CCSER1: variants seen among roughly 807,000 people sequenced by gnomAD.
CCSER1 encodes the protein coiled-coil serine rich protein 1.
Under a neutral mutation model 82.0 loss-of-function variants are expected in CCSER1, and 41 were observed. The observed-to-expected ratio is 0.50, with a 90% confidence interval of 0.39 to 0.65. The LOEUF (loss-of-function observed/expected upper bound fraction) is 0.65. Ranked by LOEUF, CCSER1 falls within the 30% of genes least tolerant of loss-of-function variation. The pLI, the probability that CCSER1 is intolerant of heterozygous loss-of-function variation, is 0.00. For synonymous variants in CCSER1, 414 were observed against 383.9 expected (o/e 1.08, Z -0.92); for missense variants, 1,119 against 1,064.2 (o/e 1.05, Z -0.72).
chr4:91,580,011 CA>C (rs1381066449), intron 10 of CCSER1, among the ~76,000 whole-genome samples: 1 of 151,696 alleles, frequency 6.6e-6, no homozygotes, highest in Admixed American at 6.6e-5. Context: ...TAACTTTGGC[CA>C]AATTTGCTGG....
intron 9 of CCSER1, chr4:90,938,869 A>C (rs1044059878): frequency 6.3e-6 from 1 of 159,204 alleles, no homozygotes; most frequent in Non-Finnish European, 1.4e-5. Context: ...ATTACTTCAC[A>C]ATTTTTGCAT....
intron 3 of CCSER1, among the ~76,000 whole-genome samples, chr4:90,380,026 A>C (rs756145289): frequency 7.2e-5 from 11 of 152,152 alleles, no homozygotes; most frequent in Non-Finnish European, 1.5e-4. Context: ...ACCAAGAGGG[A>C]TGGTGCTAAA....
intron 8 of CCSER1, among the ~76,000 whole-genome samples, chr4:90,915,950 C>CT: frequency 1.3e-5 from 2 of 152,190 alleles, no homozygotes; most frequent in East Asian, 3.9e-4. Context: ...AGGAATCCAA[C>CT]TTACAAGGGG....
At chr4:90,259,401 A>G (rs1723914520) in intron 1 of CCSER1, among the ~76,000 whole-genome samples, 1 of 152,068 alleles carries the variant, frequency 6.6e-6, no homozygotes, top group Non-Finnish European at 1.5e-5. Flanking sequence ...GTATATGATC[A>G]TATCATCAGT....
intron 10 of CCSER1, among the ~76,000 whole-genome samples, chr4:91,333,482 C>T (rs1352685243): frequency 6.6e-6 from 1 of 152,030 alleles, no homozygotes; most frequent in Non-Finnish European, 1.5e-5. Flanking sequence ...ATTTGCTATC[C>T]CTTCCTCTCT....
At chr4:91,267,625 T>C (rs568076946) in intron 10 of CCSER1, among the ~76,000 whole-genome samples, 2 of 152,344 alleles carry the variant, frequency 1.3e-5, no homozygotes, top group South Asian at 2.1e-4. Flanking sequence ...ATGCTGCTTC[T>C]TATTGTTGCA....
intron 1 of CCSER1, among the ~76,000 whole-genome samples, chr4:90,284,969 G>A (rs1321872561): frequency 1.3e-5 from 2 of 151,928 alleles, no homozygotes; most frequent in Non-Finnish European, 2.9e-5. Context: ...TTGTTTCTGG[G>A]TTCTCTATTC....
At chr4:90,989,103 T>G (rs559456877) in intron 9 of CCSER1, among the ~76,000 whole-genome samples, 2 of 151,910 alleles carry the variant, frequency 1.3e-5, no homozygotes, top group South Asian at 4.1e-4. Context: ...AATTTTATGT[T>G]GAATATTTTG....
At chr4:91,438,165 G>A (rs1418150551) in intron 10 of CCSER1, among the ~76,000 whole-genome samples, 1 of 152,210 alleles carries the variant, frequency 6.6e-6, no homozygotes, top group Admixed American at 6.5e-5. Flanking sequence ...TCTGAGAATG[G>A]GCAGACTACC....
chr4:90,645,701 A>T lies in CCSER1; in HGVS notation c.1932+17469A>T, dbSNP rs114047298. Among the ~76,000 whole-genome samples the T allele has an allele frequency of 4.1e-3, 617 of 152,300 alleles. 7 individuals carry two copies. Among genetic ancestry groups the T allele is most frequent in the African/African-American group, 0.014 (583 of 41,576 alleles). ...TAAAAACATGCTTTGATAAGGTGTGATCTAATTTAGTACCTACTGAAATTC... is the reference window on the plus strand; with the variant it reads ...TAAAAACATGCTTTGATAAGGTGTGTTCTAATTTAGTACCTACTGAAATTC... On this transcript the variant is annotated intron_variant, in intron 6 of 10. Transcript: ENST00000509176.
intron 10 of CCSER1, among the ~76,000 whole-genome samples, chr4:91,520,713 G>A (rs983246491): frequency 1.3e-5 from 2 of 151,922 alleles, no homozygotes; most frequent in South Asian, 4.2e-4. Context: ...AGGTCTGCTG[G>A]CAACAAATTC....
intron 5 of CCSER1, among the ~76,000 whole-genome samples, chr4:90,511,574 A>G (rs1277215141): frequency 6.6e-6 from 1 of 152,208 alleles, no homozygotes; most frequent in Non-Finnish European, 1.5e-5. Flanking sequence ...GTAAAGTGGA[A>G]TAGATAAATG....
At chr4:90,556,928 C>T (rs2153645095) in intron 5 of CCSER1, among the ~76,000 whole-genome samples, 1 of 151,360 alleles carries the variant, frequency 6.6e-6, no homozygotes, top group Middle Eastern at 3.4e-3. Context: ...GAAGAGACTC[C>T]CTTCTTTATT....
chr4:90,875,078 A>G (rs1767027698), intron 8 of CCSER1, among the ~76,000 whole-genome samples: 1 of 152,052 alleles, frequency 6.6e-6, no homozygotes, highest in Admixed American at 6.6e-5. Flanking sequence ...AACAGCAAGA[A>G]CAACAAAAAC....
intron 4 of CCSER1, among the ~76,000 whole-genome samples, chr4:90,411,941 A>C (rs535716049): frequency 4.6e-5 from 7 of 152,102 alleles, no homozygotes; most frequent in Non-Finnish European, 8.8e-5. Flanking sequence ...ATACAAAATC[A>C]ATGTGCAAAA....
intron 10 of CCSER1, among the ~76,000 whole-genome samples, chr4:91,411,526 A>ATACATGTATAT (rs70965492): frequency 7.7e-6 from 1 of 129,648 alleles, no homozygotes; most frequent in African/African-American, 3.1e-5. Context: ...ATATATATAT[A>ATACATGTATAT]AAATCTTGAC....
intron 7 of CCSER1, among the ~76,000 whole-genome samples, chr4:90,768,586 C>T (rs1179824124): frequency 6.6e-6 from 1 of 152,106 alleles, no homozygotes; most frequent in African/African-American, 2.4e-5. Context: ...TGGAAAGTGC[C>T]TTGACGGAGC....
At chr4:90,964,893 A>T (rs1424321362) in intron 9 of CCSER1, among the ~76,000 whole-genome samples, 2 of 152,002 alleles carry the variant, frequency 1.3e-5, no homozygotes, top group East Asian at 3.9e-4. Context: ...TGTTATTTTA[A>T]CTTGCCCACT....
intron 10 of CCSER1, among the ~76,000 whole-genome samples, chr4:91,289,219 T>A (rs918523673): frequency 2.0e-5 from 3 of 151,942 alleles, no homozygotes; most frequent in African/African-American, 7.2e-5. Flanking sequence ...CACTAAAGGC[T>A]TCATAGAAGG....
Sources: gnomAD v4.1 joint callset for allele counts (sites outside exome capture counted in the v4.1 genomes callset) on GRCh38, gnomAD v4.1.1 for gene constraint, MANE v1.5 for transcripts, NCBI Gene and HGNC (gene_info 2026-07-23, HGNC 2026-07-21) for gene names.